C19orf12: variants seen among roughly 807,000 people sequenced by gnomAD.
The protein encoded by C19orf12 is chromosome 19 open reading frame 12.
In C19orf12, 2 loss-of-function variants were observed where a neutral mutation model predicts 3.8. That is an observed-to-expected ratio of 0.53 (90% CI 0.22 to 1.66). The LOEUF is 1.66. C19orf12 is among the 40% of genes most tolerant of loss of function. The pLI, the probability that C19orf12 is intolerant of heterozygous loss-of-function variation, is 0.20. For missense variants in C19orf12, 156 were observed against 188.8 expected (o/e 0.83, Z 1.02); for synonymous variants, 89 against 84.6 (o/e 1.05, Z -0.28).
intron 1 of C19orf12, among the ~76,000 whole-genome samples, chr19:29,708,899 C>A (rs866270577): frequency 6.6e-6 from 1 of 152,318 alleles, no homozygotes; most frequent in South Asian, 2.1e-4. Context: ...GGGCACTGAC[C>A]TGCAGTGGGC....
At chr19:29,710,595 C>A (rs1972614815) in intron 1 of C19orf12, among the ~76,000 whole-genome samples, 1 of 152,184 alleles carries the variant, frequency 6.6e-6, no homozygotes, top group Non-Finnish European at 1.5e-5. Flanking sequence ...CAAACAAGCA[C>A]CCCTAGATAT....
At chr19:29,702,998 C>G in intron 2 of C19orf12, 21 bp from the exon 3 acceptor site, 1 of 1,613,846 alleles carries the variant, frequency 6.2e-7, no homozygotes, top group Non-Finnish European at 8.5e-7. Context: ...TGGAATCGTT[C>G]AATTAGTGGG....
At position 29,702,648 on chromosome 19, in the gene C19orf12, C is replaced by A; in HGVS notation, c.*64G>T. 6.2e-7 allele frequency: 1 copy of A among 1,608,286 alleles called. No homozygotes were observed. ...CATCCGCTGGGCTTCTCCCAACTCCCAAGCCACCTCTTCAGAATCACAGAG... is the reference window on the plus strand; with the variant it reads ...CATCCGCTGGGCTTCTCCCAACTCCAAAGCCACCTCTTCAGAATCACAGAG... On this transcript the variant is annotated 3_prime_UTR_variant, in exon 3 of 3. Coordinates refer to ENST00000323670, the MANE Select transcript of C19orf12 (RefSeq NM_031448.6).
chr19:29,705,378 G>T (rs1235577990), intron 2 of C19orf12: 1 of 409,926 alleles, frequency 2.4e-6, no homozygotes, highest in South Asian at 1.7e-5. Context: ...ATGCAATGCG[G>T]TGTCTTAGAC....
chr19:29,705,584 C>T (rs570497684), intron 2 of C19orf12, among the ~76,000 whole-genome samples: 1 of 150,794 alleles, frequency 6.6e-6, no homozygotes, highest in South Asian at 2.1e-4. Flanking sequence ...GATCATACCT[C>T]ACTGCAGCCT....
rs1276701265 is a variant in C19orf12 at position 29,699,313 on chromosome 19, A to T, written c.*3399T>A. ...AAACCCCGTCTCTACTAAAAATAAA[A>T]AAAAAATAAAAAAATAAAAATTAGC... On this transcript the variant is annotated 3_prime_UTR_variant, in exon 3 of 3. Coordinates refer to ENST00000323670, the MANE Select transcript of C19orf12 (RefSeq NM_031448.6). 2 of 360,586 alleles carry T rather than the reference A, an allele frequency of 5.5e-6. No individual in the cohort carries two copies. Among genetic ancestry groups the T allele is most frequent in the African/African-American group, 2.3e-5 (1 of 43,570 alleles). The allele number at this position is 360,586 out of a possible 1,614,324, so 22.3% of individuals were successfully genotyped here.
At position 29,701,379 on chromosome 19, in the gene C19orf12, T is replaced by C. The variant is rs185777558; in HGVS notation, c.*1333A>G. ...ACCTACGCACACCTTCCTGTATAAT[T>C]TAAATCATCTCTAGATTTCTTATAA... On this transcript the variant is annotated 3_prime_UTR_variant, in exon 3 of 3. Coordinates refer to ENST00000323670, the MANE Select transcript of C19orf12 (RefSeq NM_031448.6). 4.4e-6 allele frequency: 2 copies of C among 454,142 alleles called. No individual in the cohort carries two copies. The highest frequency in any genetic ancestry group is 1.4e-4 in the East Asian group (2 of 14,396). 28.1% of individuals were successfully genotyped at this position (454,142 alleles called of 1,614,324 possible). A position where few individuals can be genotyped will look rare whatever the true frequency, so the allele number is the denominator to read the frequency against.
chr19:29,703,009 T>C, intron 2 of C19orf12, 32 bp from the exon 3 acceptor site: 1 of 1,612,728 alleles, frequency 6.2e-7, no homozygotes, highest in Non-Finnish European at 8.5e-7. Context: ...AATTAGTGGG[T>C]CTTATTCATA....
At chr19:29,714,900 T>C in intron 1 of C19orf12, 1 of 634,660 alleles carries the variant, frequency 1.6e-6, no homozygotes, top group Admixed American at 2.1e-5. Flanking sequence ...CCAGCTCTGC[T>C]GCTTACTTGT....
chr19:29,709,947 C>A (rs1599549292), intron 1 of C19orf12, among the ~76,000 whole-genome samples: 1 of 152,166 alleles, frequency 6.6e-6, no homozygotes, highest in Non-Finnish European at 1.5e-5. Context: ...TCATGGCTGA[C>A]TGCAGCCTTG....
intron 1 of C19orf12, among the ~76,000 whole-genome samples, chr19:29,711,035 G>GGT (rs1972638566): frequency 1.2e-5 from 1 of 86,902 alleles, no homozygotes; most frequent in East Asian, 3.6e-4. Flanking sequence ...TATACAGAGA[G>GGT]GTTTTTTTTT....
chr19:29,701,933 A>G lies in C19orf12; in HGVS notation c.*779T>C. On this transcript the variant is annotated 3_prime_UTR_variant, in exon 3 of 3. Transcript: ENST00000323670. ...CTAAAACAATGCGCTTCCTTGCTTT[A>G]TTGTGATGTTGGCTTTACCGAGGTG... 1 of 454,150 alleles carries G rather than the reference A, an allele frequency of 2.2e-6. No individual in the cohort carries two copies. The highest frequency in any genetic ancestry group is 4.4e-6 in the Non-Finnish European group (1 of 226,792). 28.1% of individuals were successfully genotyped at this position (454,150 alleles called of 1,614,324 possible).
intron 2 of C19orf12, 29 bp from the exon 3 acceptor site, chr19:29,703,006 G>A (rs772398095): frequency 8.7e-6 from 14 of 1,613,194 alleles, no homozygotes; most frequent in South Asian, 6.6e-5. Flanking sequence ...TTCAATTAGT[G>A]GGTCTTATTC....
At chr19:29,709,852 T>C (rs993987730) in intron 1 of C19orf12, among the ~76,000 whole-genome samples, 1 of 151,816 alleles carries the variant, frequency 6.6e-6, no homozygotes, top group African/African-American at 2.4e-5. Context: ...GGTTATATGT[T>C]TTATGAGGTT....
intron 1 of C19orf12, among the ~76,000 whole-genome samples, chr19:29,714,359 G>C (rs1972846656): frequency 6.6e-6 from 1 of 152,034 alleles, no homozygotes; most frequent in Non-Finnish European, 1.5e-5. Flanking sequence ...GCCAGGCTTG[G>C]TGGTGTCGCC....
intron 1 of C19orf12, among the ~76,000 whole-genome samples, chr19:29,712,069 T>A (rs1972709355): frequency 6.6e-6 from 1 of 152,028 alleles, no homozygotes; most frequent in Non-Finnish European, 1.5e-5. Flanking sequence ...CATACAGACA[T>A]ATGGTGGGCC....
intron 2 of C19orf12, among the ~76,000 whole-genome samples, chr19:29,707,526 C>T (rs1972437692): frequency 1.3e-5 from 2 of 152,202 alleles, no homozygotes; most frequent in South Asian, 4.1e-4. Context: ...TCCTCCCAGC[C>T]TCCTCCCTGG....
chr19:29,708,238 A>T lies in C19orf12; in HGVS notation c.160+16T>A, dbSNP rs1972481075. On this transcript the variant is annotated intron_variant, in intron 2 of 2. Coordinates refer to ENST00000323670, the MANE Select transcript of C19orf12 (RefSeq NM_031448.6). ...ATCCCCGAGGCTGGCTATCTCTGTG[A>T]GACACCTGCACTTACCAACGGCGAG... is the stretch of plus-strand genomic sequence containing the variant. The T allele has an allele frequency of 6.2e-7, 1 of 1,609,256 alleles. No individual in the cohort carries two copies. Among genetic ancestry groups the T allele is most frequent in the African/African-American group, 1.3e-5 (1 of 74,830 alleles).
In C19orf12 at chr19:29,702,086, C is replaced by T. The variant is rs770566321; in HGVS notation, c.*626G>A. Reference sequence around the variant, plus strand: ...TGGGAAGAGCGAGGCCCTGGCAGGGCGAGTCTAGGTGTGCAGCCTAGTGGG... The same window carrying T: ...TGGGAAGAGCGAGGCCCTGGCAGGGTGAGTCTAGGTGTGCAGCCTAGTGGG... On this transcript the variant is annotated 3_prime_UTR_variant, in exon 3 of 3. Coordinates refer to ENST00000323670, the MANE Select transcript of C19orf12 (RefSeq NM_031448.6). 10 of 448,422 alleles carry T rather than the reference C, an allele frequency of 2.2e-5. No individual in the cohort carries two copies. The highest frequency in any genetic ancestry group is 6.9e-4 in the Middle Eastern group (1 of 1,444). The allele number at this position is 448,422 out of a possible 1,614,324, so 27.8% of individuals were successfully genotyped here.
Sources: allele counts gnomAD v4.1 joint callset (sites outside exome capture counted in the v4.1 genomes callset), GRCh38; gene constraint gnomAD v4.1.1; transcripts MANE v1.5; gene names NCBI Gene and HGNC (gene_info 2026-07-23, HGNC 2026-07-21).